The following DNAL4 variants were observed in gnomAD, a reference collection of about 807,000 sequenced individuals.
DNAL4 encodes dynein light chain, outer arm 4.
In DNAL4, 10 loss-of-function variants were observed where a neutral mutation model predicts 12.6. That is an observed-to-expected ratio of 0.79 (90% CI 0.49 to 1.34). The LOEUF (loss-of-function observed/expected upper bound fraction) is 1.34. DNAL4 is among the 40% of genes most tolerant of loss of function. DNAL4 has a pLI of 0.00. For synonymous variants in DNAL4, 46 were observed against 53.1 expected, an observed-to-expected ratio of 0.87 and a Z score of 0.58; for missense variants, 128 against 138.1, an observed-to-expected ratio of 0.93 and a Z score of 0.37.
In DNAL4 at chr22:38,783,966, T is replaced by C. The variant is rs544330078; in HGVS notation, c.-139-1096A>G. ...CCCAATTTATCTCATAATTCAAAGT[T>C]TTTTTTTTTTTTAATCTCAGAAGTA... is the stretch of plus-strand genomic sequence containing the variant. On this transcript the variant is annotated intron_variant, in intron 1 of 3. Coordinates refer to ENST00000216068, the MANE Select transcript of DNAL4 (RefSeq NM_005740.3). Among the ~76,000 whole-genome samples, 32 of 67,514 alleles carry C rather than the reference T, an allele frequency of 4.7e-4. No individual in the cohort carries two copies. The East Asian group carries it at 0.044, about 94-fold the overall frequency. The allele number at this position is 67,514 out of a possible 152,430, so 44.3% of individuals were successfully genotyped here.
chr22:38,785,003 A>C, intron 1 of DNAL4, among the ~76,000 whole-genome samples: 1 of 131,636 alleles, frequency 7.6e-6, no homozygotes, highest in African/African-American at 2.7e-5. Flanking sequence ...TGACATTGGT[A>C]TTTTCTGATT....
intron 2 of DNAL4, 51 bp from the exon 3 acceptor site, chr22:38,781,060 T>C: frequency 6.2e-7 from 1 of 1,600,988 alleles, no homozygotes; most frequent in Non-Finnish European, 8.5e-7. Context: ...GCCCGTGACC[T>C]GGCCTTCCTG....
chr22:38,781,517 C>T (rs185529844), intron 2 of DNAL4, among the ~76,000 whole-genome samples: 9 of 152,162 alleles, frequency 5.9e-5, no homozygotes, highest in East Asian at 1.9e-4. Flanking sequence ...TTGTGTGTTC[C>T]GCGCCTGTCT....
Position 38,781,094 on chromosome 22 carries a change from A to T in DNAL4, c.70-85T>A. 4.0e-6 allele frequency: 6 copies of T among 1,497,616 alleles called. No individual in the cohort carries two copies. The South Asian group carries it at 6.9e-5, about 17-fold the overall frequency. 92.8% of individuals were successfully genotyped at this position (1,497,616 alleles called of 1,614,324 possible). A position where few individuals can be genotyped will look rare whatever the true frequency, so the allele number is the denominator to read the frequency against. The stretch of plus-strand genomic sequence containing the variant: ...TGGCTGGCCTCTCTGTCCCAAGCTT[A>T]AGGCATGGACAGCAGGTAGCCTCCC... On this transcript the variant is annotated intron_variant, in intron 2 of 3. Coordinates refer to ENST00000216068, the MANE Select transcript of DNAL4 (RefSeq NM_005740.3).
intron 1 of DNAL4, among the ~76,000 whole-genome samples, chr22:38,784,441 A>G (rs1202889065): frequency 1.3e-5 from 2 of 151,982 alleles, no homozygotes; most frequent in African/African-American, 2.4e-5. Context: ...CCACTGGGAC[A>G]GCTCCTATCA....
chr22:38,787,280 T>C (rs2093043900), intron 1 of DNAL4, among the ~76,000 whole-genome samples: 1 of 151,676 alleles, frequency 6.6e-6, no homozygotes, highest in Non-Finnish European at 1.5e-5. Flanking sequence ...TTGCTCTTGT[T>C]GCACAGGCTG....
At chr22:38,787,607 G>A (rs568276828) in intron 1 of DNAL4, among the ~76,000 whole-genome samples, 1 of 152,288 alleles carries the variant, frequency 6.6e-6, no homozygotes, top group Admixed American at 6.5e-5. Context: ...GCAGTAGGAA[G>A]GAAACTGCGA....
chr22:38,784,223 C>T (rs1032598512), intron 1 of DNAL4, among the ~76,000 whole-genome samples: 1 of 152,220 alleles, frequency 6.6e-6, no homozygotes, highest in Non-Finnish European at 1.5e-5. Flanking sequence ...CATTTACACA[C>T]CTTGTCATCG....
In DNAL4 at chr22:38,779,771, G is replaced by A. The variant is rs527275990; in HGVS notation, c.154-158C>T. ...CTCCTGCTTCAAAAAGGGTTTCCAC[G>A]CAGGCCACCTCCTGCCAGGTCTATT... On this transcript the variant is annotated intron_variant, in intron 3 of 3. Coordinates refer to ENST00000216068, the MANE Select transcript of DNAL4 (RefSeq NM_005740.3). The surrounding 1 kb of genome is among the most constrained non-coding windows in gnomAD (Gnocchi z 4.3). Among the ~76,000 whole-genome samples the A allele has an allele frequency of 2.0e-5, 3 of 152,236 alleles. No individual in the cohort carries two copies. Among genetic ancestry groups the A allele is most frequent in the South Asian group, 4.1e-4 (2 of 4,828 alleles).
intron 1 of DNAL4, among the ~76,000 whole-genome samples, chr22:38,789,775 T>A (rs1378624494): frequency 6.6e-6 from 1 of 152,164 alleles, no homozygotes; most frequent in Non-Finnish European, 1.5e-5. Flanking sequence ...AGGAGCTTGC[T>A]GGCAGGGGCA....
In DNAL4 at chr22:38,781,442, A is replaced by G. The variant is rs572137948; in HGVS notation, c.70-433T>C. On this transcript the variant is annotated intron_variant, in intron 2 of 3. Transcript: ENST00000216068. ...TCTGCTGGATTTCCTTCCTCCTCCC[A>G]GCTCCTGGAGGGCCCTGGGCCCCAC... is the stretch of plus-strand genomic sequence containing the variant. 2.6e-5 allele frequency among the ~76,000 whole-genome samples: 4 copies of G among 151,494 alleles called. No homozygotes were observed. The East Asian group carries it at 7.8e-4, about 30-fold the overall frequency.
chr22:38,786,607 C>T (rs2093042649), intron 1 of DNAL4, among the ~76,000 whole-genome samples: 1 of 152,116 alleles, frequency 6.6e-6, no homozygotes, highest in Non-Finnish European at 1.5e-5. Context: ...TGCCCACCGC[C>T]AGGGTACTTG....
At chr22:38,787,033 T>C (rs1361165934) in intron 1 of DNAL4, among the ~76,000 whole-genome samples, 1 of 152,080 alleles carries the variant, frequency 6.6e-6, no homozygotes, top group Admixed American at 6.5e-5. Context: ...CCATTCAATG[T>C]CTGGAACATC....
chr22:38,787,648 A>G (rs377547203), intron 1 of DNAL4, among the ~76,000 whole-genome samples: 2 of 152,200 alleles, frequency 1.3e-5, no homozygotes, highest in Non-Finnish European at 2.9e-5. Flanking sequence ...CCTGCTACAC[A>G]TCTAAACGTG....
intron 1 of DNAL4, among the ~76,000 whole-genome samples, chr22:38,790,864 T>C (rs982990884): frequency 6.6e-6 from 1 of 152,160 alleles, no homozygotes; most frequent in Non-Finnish European, 1.5e-5. Flanking sequence ...TTTGTGTATC[T>C]AAACATAGAA....
intron 1 of DNAL4, among the ~76,000 whole-genome samples, chr22:38,783,822 G>T (rs938175175): frequency 6.6e-6 from 1 of 152,182 alleles, no homozygotes; most frequent in African/African-American, 2.4e-5. Context: ...CAAGCACACG[G>T]CAGGCACTCA....
intron 1 of DNAL4, among the ~76,000 whole-genome samples, chr22:38,792,588 TTTTTTA>T (rs1380625953): frequency 2.0e-5 from 3 of 152,270 alleles, no homozygotes; most frequent in East Asian, 1.9e-4. Context: ...CTGGCCTTTA[TTTTTTA>T]TTTTTAACAT....
intron 1 of DNAL4, among the ~76,000 whole-genome samples, chr22:38,790,760 C>T (rs2093049350): frequency 6.6e-6 from 1 of 152,132 alleles, no homozygotes; most frequent in South Asian, 2.1e-4. Flanking sequence ...TACTACAGAC[C>T]TAGGCTATAT....
intron 3 of DNAL4, 100 bp downstream of exon 3, chr22:38,780,826 A>C (rs772812181): frequency 1.7e-6 from 2 of 1,186,858 alleles, no homozygotes; most frequent in South Asian, 2.6e-5. Flanking sequence ...GCCTCATCCT[A>C]GCAGTACTGT....
Sources: gnomAD v4.1 joint callset for allele counts (sites outside exome capture counted in the v4.1 genomes callset) on GRCh38, gnomAD v4.1.1 for gene constraint, Gnocchi (gnomAD v3.1) non-coding constraint, MANE v1.5 for transcripts, NCBI Gene and HGNC (gene_info 2026-07-23, HGNC 2026-07-21) for gene names.